The following APBB1IP variants were observed in gnomAD, a reference collection of about 807,000 sequenced individuals.
The protein encoded by APBB1IP is amyloid beta precursor protein binding family B member 1 interacting protein.
In APBB1IP, 27 loss-of-function variants were observed where a neutral mutation model predicts 64.9. The observed-to-expected ratio is 0.42, with a 90% CI of 0.31 to 0.57. APBB1IP has a LOEUF of 0.57. Ranked by LOEUF, APBB1IP falls within the 20% of genes least tolerant of loss-of-function variation. APBB1IP has a pLI of 0.20. For synonymous variants in APBB1IP, 392 were observed against 331.0 expected, an observed-to-expected ratio of 1.18 and a Z score of -2.00; for missense variants, 812 against 845.5, an observed-to-expected ratio of 0.96 and a Z score of 0.49.
At chr10:26,466,935 A>G (rs922216166) in intron 2 of APBB1IP, among the ~76,000 whole-genome samples, 7 of 136,126 alleles carry the variant, frequency 5.1e-5, no homozygotes, top group African/African-American at 2.0e-4. Flanking sequence ...GACCCTATGG[A>G]AAAAAAAAAA....
At chr10:26,534,294 C>CA (rs71403804) in intron 9 of APBB1IP, among the ~76,000 whole-genome samples, 7,553 of 58,478 alleles carry the variant, frequency 0.13, 977 homozygotes, top group African/African-American at 0.22. Flanking sequence ...GATCCAGTCT[C>CA]AAAAAAAAAA....
chr10:26,447,659 A>T (rs1204458838), intron 2 of APBB1IP, among the ~76,000 whole-genome samples: 1 of 152,232 alleles, frequency 6.6e-6, no homozygotes, highest in Non-Finnish European at 1.5e-5. Flanking sequence ...AGAACTACAA[A>T]GCAAATTACA....
intron 13 of APBB1IP, among the ~76,000 whole-genome samples, chr10:26,561,178 C>T (rs531390445): frequency 2.8e-5 from 4 of 141,702 alleles, no homozygotes; most frequent in African/African-American, 1.0e-4. Flanking sequence ...ACACCGTTCT[C>T]CTGCCTCAGC....
chr10:26,471,090 T>TA (rs879645879), intron 2 of APBB1IP, among the ~76,000 whole-genome samples: 127 of 151,692 alleles, frequency 8.4e-4, no homozygotes, highest in Admixed American at 5.1e-3. Flanking sequence ...TTCTAAAGAT[T>TA]AAAAAAAAAC....
chr10:26,526,887 T>A (rs1450529998), intron 8 of APBB1IP, among the ~76,000 whole-genome samples: 1 of 152,220 alleles, frequency 6.6e-6, no homozygotes, highest in African/African-American at 2.4e-5. Flanking sequence ...GTTTCTTAAC[T>A]GAAATTTGAT....
At chr10:26,465,972 A>C (rs923271964) in intron 2 of APBB1IP, among the ~76,000 whole-genome samples, 8 of 152,230 alleles carry the variant, frequency 5.3e-5, no homozygotes, top group Non-Finnish European at 1.2e-4. Flanking sequence ...TTATGGCTGC[A>C]GGTTCTGTGG....
At chr10:26,545,516 T>A (rs1050814227) in intron 11 of APBB1IP, among the ~76,000 whole-genome samples, 2 of 151,878 alleles carry the variant, frequency 1.3e-5, no homozygotes, top group African/African-American at 4.8e-5. Flanking sequence ...ATCCCAGCAC[T>A]TTGGGAGGCC....
intron 8 of APBB1IP, among the ~76,000 whole-genome samples, chr10:26,520,291 G>A (rs1454856235): frequency 6.6e-6 from 1 of 152,048 alleles, no homozygotes; most frequent in Non-Finnish European, 1.5e-5. Context: ...GAACCAAATA[G>A]ACTTATTTTC....
rs142572689 is a variant in APBB1IP, at chr10:26,543,598, G to A, written c.1155+1906G>A. On this transcript the variant is annotated intron_variant, in intron 11 of 14. Coordinates refer to ENST00000376236, the MANE Select transcript of APBB1IP (RefSeq NM_019043.4). Reference sequence around the variant, plus strand: ...TCACCTGGAATAGTGGTGGGAATGCGGCAATTAAAAAAATACAACAATCCC... The same window carrying A: ...TCACCTGGAATAGTGGTGGGAATGCAGCAATTAAAAAAATACAACAATCCC... Among the ~76,000 whole-genome samples, 320 of 151,812 alleles carry A rather than the reference G, an allele frequency of 2.1e-3. 1 individual carries two copies. The highest frequency in any genetic ancestry group is 7.3e-3 in the African/African-American group (303 of 41,396).
At chr10:26,519,018 A>G (rs1422982631) in intron 8 of APBB1IP, among the ~76,000 whole-genome samples, 2 of 152,132 alleles carry the variant, frequency 1.3e-5, no homozygotes, top group Non-Finnish European at 2.9e-5. Context: ...ATTTATAAAG[A>G]AAAGAGGTTT....
At chr10:26,451,182 A>G (rs1436583589) in intron 2 of APBB1IP, among the ~76,000 whole-genome samples, 4 of 152,210 alleles carry the variant, frequency 2.6e-5, no homozygotes, top group Non-Finnish European at 5.9e-5. Context: ...TCTTTATCAT[A>G]TGAAATTAAG....
chr10:26,448,299 T>TC (rs1264957189), intron 2 of APBB1IP, among the ~76,000 whole-genome samples: 7 of 152,206 alleles, frequency 4.6e-5, no homozygotes, highest in African/African-American at 1.7e-4. Context: ...CACTTCAGCC[T>TC]CCCAAAGCAC....
intron 8 of APBB1IP, among the ~76,000 whole-genome samples, chr10:26,515,596 T>C (rs979212217): frequency 3.3e-5 from 5 of 152,224 alleles, no homozygotes; most frequent in Admixed American, 1.3e-4. Context: ...AACTCCTCCA[T>C]GAGGCACCTT....
chr10:26,451,595 T>C (rs2132399002), intron 2 of APBB1IP, among the ~76,000 whole-genome samples: 1 of 152,360 alleles, frequency 6.6e-6, no homozygotes, highest in Non-Finnish European at 1.5e-5. Flanking sequence ...CTATTCTATT[T>C]TTCTTCTCTT....
rs113413789 is a variant in APBB1IP, at chr10:26,519,409, A to G, written c.813+5749A>G. Among the ~76,000 whole-genome samples, 306 of 152,290 alleles carry G rather than the reference A, an allele frequency of 2.0e-3. 2 individuals are homozygous for G. The highest frequency in any genetic ancestry group is 6.9e-3 in the African/African-American group (288 of 41,564). ...AAACTTTCAATCATGGCAGAGGGTA[A>G]AGGGGAAGGAGAGTGAGCACCTTAC... is the stretch of plus-strand genomic sequence containing the variant. On this transcript the variant is annotated intron_variant, in intron 8 of 14. Coordinates refer to ENST00000376236, the MANE Select transcript of APBB1IP (RefSeq NM_019043.4).
intron 10 of APBB1IP, 36 bp from the exon 11 acceptor site, chr10:26,541,546 C>A: frequency 1.4e-6 from 2 of 1,407,020 alleles, no homozygotes; most frequent in Non-Finnish European, 1.0e-6. Context: ...TAACTGTCAT[C>A]TCAGTTGAAG....
intron 2 of APBB1IP, among the ~76,000 whole-genome samples, chr10:26,473,015 C>G (rs148384744): frequency 6.6e-6 from 1 of 152,080 alleles, no homozygotes; most frequent in Non-Finnish European, 1.5e-5. Flanking sequence ...CTTAGGATTA[C>G]AAAAGAAGTG....
At chr10:26,551,330 C>A (rs12571937) in intron 11 of APBB1IP, among the ~76,000 whole-genome samples, 4 of 152,240 alleles carry the variant, frequency 2.6e-5, no homozygotes, top group South Asian at 4.2e-4. Context: ...AGTGTGAGTC[C>A]GGGGGGACTT....
intron 12 of APBB1IP, 72 bp from the exon 13 acceptor site, chr10:26,560,654 ATATG>A: frequency 1.0e-6 from 1 of 987,098 alleles, no homozygotes; most frequent in Non-Finnish European, 1.5e-6. Flanking sequence ...TTTCTTCTGT[ATATG>A]TATATTGCAA....
Sources: gnomAD v4.1 joint callset for allele counts (sites outside exome capture counted in the v4.1 genomes callset) on GRCh38, gnomAD v4.1.1 for gene constraint, MANE v1.5 for transcripts, NCBI Gene and HGNC (gene_info 2026-07-23, HGNC 2026-07-21) for gene names.